Variants in TECPR1 observed in about 807,000 individuals in gnomAD.
The protein encoded by TECPR1 is tectonin beta-propeller repeat containing 1.
In TECPR1, 122 loss-of-function variants were observed where a neutral mutation model predicts 162.4. That is an observed-to-expected ratio of 0.75 (90% CI 0.65 to 0.87). The LOEUF (loss-of-function observed/expected upper bound fraction) is 0.87, where lower values mean the gene tolerates loss of function less well. Among genes scored for constraint, TECPR1 ranks in the 40% least tolerant of loss-of-function variants. The probability of loss-of-function intolerance (pLI) is 0.00; values close to 1 mark genes in which losing one functional copy is unlikely to be tolerated. For synonymous variants in TECPR1, 642 were observed against 670.6 expected (o/e 0.96, Z 0.66); for missense variants, 1,432 against 1,618.2 (o/e 0.88, Z 1.97).
At chr7:98,218,789 A>T (rs1357839066) in intron 23 of TECPR1, among the ~76,000 whole-genome samples, 3 of 152,220 alleles carry the variant, frequency 2.0e-5, no homozygotes, top group Admixed American at 6.5e-5. Context: ...GGAAGAATCA[A>T]TATCATGAAA....
chr7:98,215,167 C>T lies in TECPR1; in HGVS notation c.*2223G>A, dbSNP rs573263041. 2 of 152,282 alleles carry T rather than the reference C, an allele frequency of 1.3e-5. No homozygotes were observed. Among genetic ancestry groups the T allele is most frequent in the East Asian group, 3.9e-4 (2 of 5,182 alleles). The allele number at this position is 152,282 out of a possible 1,614,324, so 9.4% of individuals were successfully genotyped here. On this transcript the variant is annotated 3_prime_UTR_variant, in exon 26 of 26. Transcript: ENST00000447648. ...GTTCCTGGGCTACGCCACGCGCCAT[C>T]CCCCGGGGCTGTGGACGCACCCAGC...
At chr7:98,223,263 C>T in intron 20 of TECPR1, 93 bp from the exon 21 acceptor site, 1 of 1,330,992 alleles carries the variant, frequency 7.5e-7, no homozygotes. Flanking sequence ...AGGAAAGCAG[C>T]CAACCCCGGG....
Position 98,245,990 on chromosome 7 carries a change from G to C in TECPR1, c.157C>G (p.Gln53Glu). ...QCCWGIACDN[Q>E]VYVYVCASDV... ...CTGGCACACACATACACGTAGACCT[G>C]GTTGTCACAGGCAATGCCCCAGCAG... The change falls in exon 3 of 26, where the codon CAG becomes GAG. Residue 53 changes from glutamine to glutamate, a missense_variant. By Grantham distance (29) the Gln-to-Glu change is conservative. Coordinates refer to ENST00000447648, the MANE Select transcript of TECPR1 (RefSeq NM_015395.3). The C allele has an allele frequency of 1.2e-6, 2 of 1,606,184 alleles. No homozygotes were observed. The highest frequency in any genetic ancestry group is 2.2e-5 in the South Asian group (2 of 89,582).
chr7:98,240,473 G>T (rs186203283), intron 8 of TECPR1, among the ~76,000 whole-genome samples: 1 of 151,988 alleles, frequency 6.6e-6, no homozygotes, highest in Admixed American at 6.6e-5. Context: ...AGGCTGGAGT[G>T]CTATAGTGCA....
At chr7:98,225,583 A>G (rs924704482) in intron 17 of TECPR1, among the ~76,000 whole-genome samples, 2 of 151,474 alleles carry the variant, frequency 1.3e-5, no homozygotes, top group Admixed American at 1.3e-4. Context: ...TTGGACACAG[A>G]CACATGCATA....
Position 98,232,725 on chromosome 7 carries a change from A to C in TECPR1, c.1818+102T>G. On this transcript the variant is annotated intron_variant, in intron 12 of 25. Transcript: ENST00000447648. The surrounding 1 kb of genome is among the most constrained non-coding windows in gnomAD (Gnocchi z 4.6). ...ATCTGGGCGGGAGACCAGGGGATGG[A>C]GGCATCTATCTGTTTCTCTCAGAGC... The C allele has an allele frequency of 7.3e-7, 1 of 1,367,910 alleles. No individual in the cohort carries two copies. The allele number at this position is 1,367,910 out of a possible 1,614,324, so 84.7% of individuals were successfully genotyped here. A position where few individuals can be genotyped will look rare whatever the true frequency, so the allele number is the denominator to read the frequency against.
At chr7:98,228,985 A>T in intron 16 of TECPR1, 54 bp downstream of exon 16, 1 of 1,570,442 alleles carries the variant, frequency 6.4e-7, no homozygotes, top group Admixed American at 1.8e-5. Context: ...CCAGACGGGG[A>T]CTAGAGGAAA....
At chr7:98,224,529 G>A (rs1798226121) in intron 19 of TECPR1, among the ~76,000 whole-genome samples, 1 of 152,214 alleles carries the variant, frequency 6.6e-6, no homozygotes, top group African/African-American at 2.4e-5. Context: ...CAGCAGGGAT[G>A]AACGTGGCGT....
chr7:98,228,986 CTAGA>C, intron 16 of TECPR1, 49 bp downstream of exon 16: 1 of 1,572,242 alleles, frequency 6.4e-7, no homozygotes, highest in Non-Finnish European at 8.6e-7. Flanking sequence ...CAGACGGGGA[CTAGA>C]GGAAAGAACG....
At chr7:98,227,880 C>A (rs1343981946) in intron 17 of TECPR1, 134 bp downstream of exon 17, 1 of 641,226 alleles carries the variant, frequency 1.6e-6, no homozygotes, top group African/African-American at 1.8e-5. Context: ...CGGTAAGATC[C>A]GGTTAGTTTC....
In TECPR1 at chr7:98,224,881, C is replaced by G; in HGVS notation, c.2611-1G>C. 1 of 1,560,276 alleles carries G rather than the reference C, an allele frequency of 6.4e-7. No homozygotes were observed. Among genetic ancestry groups the G allele is most frequent in the Non-Finnish European group, 8.7e-7 (1 of 1,152,470 alleles). ...TGAAATCCACGAACCAGTCGGAAAC[C>G]TGGGAGGAGTGGGTCAGTGAGGATG... On this transcript the variant is annotated splice_acceptor_variant, in intron 18 of 25. Transcript: ENST00000447648. LOFTEE classifies it high-confidence loss of function.
intron 3 of TECPR1, among the ~76,000 whole-genome samples, chr7:98,245,288 C>A (rs1438088623): frequency 6.6e-6 from 1 of 152,218 alleles, no homozygotes; most frequent in Non-Finnish European, 1.5e-5. Flanking sequence ...CCCCAAAGGG[C>A]AAAGAACCTC....
intron 15 of TECPR1, among the ~76,000 whole-genome samples, chr7:98,229,727 C>G (rs1798371993): frequency 6.6e-6 from 1 of 152,196 alleles, no homozygotes; most frequent in African/African-American, 2.4e-5. Flanking sequence ...GAGGCCCTGT[C>G]ACTGTCACTG....
chr7:98,250,212 A>G (rs1799027066), intron 2 of TECPR1, among the ~76,000 whole-genome samples: 1 of 152,162 alleles, frequency 6.6e-6, no homozygotes. Context: ...GGGGATGCTG[A>G]CTGTATAATT....
At chr7:98,226,944 CA>C (rs1014626205) in intron 17 of TECPR1, among the ~76,000 whole-genome samples, 1 of 148,028 alleles carries the variant, frequency 6.8e-6, no homozygotes, top group Non-Finnish European at 1.5e-5. Flanking sequence ...AAAAACAAAA[CA>C]AAAAAAACAA....
chr7:98,244,583 G>A lies in TECPR1; in HGVS notation c.519C>T (p.Asp173=). The A allele has an allele frequency of 1.9e-6, 3 of 1,608,874 alleles. No homozygotes were observed. Among genetic ancestry groups the A allele is most frequent in the Non-Finnish European group, 1.7e-6 (2 of 1,176,656 alleles). The change falls in exon 5 of 26, where the codon GAC becomes GAT. Residue 173 remains aspartate, a synonymous_variant. Coordinates refer to ENST00000447648, the MANE Select transcript of TECPR1 (RefSeq NM_015395.3). ...WIRYRRYKSR[D]IWAKIPSKDD... is the part of the protein sequence containing the mutation. ...CAGGAACAGAGACCTTGGCCCAGAT[G>A]TCCCGGGACTTGTATCTCCTGTACC... is the stretch of plus-strand genomic sequence containing the variant.
chr7:98,233,727 C>G lies in TECPR1; in HGVS notation c.1366G>C (p.Asp456His), dbSNP rs1463229356. ...GCTGGGCAGGCATCTTCCACGGTAT[C>G]TTCTGCGGTCCTGCCAGCCCCCAGG... Reference protein sequence around the residue: ...SGLGAGRTAEDTVEDACPAEG... With the variant: ...SGLGAGRTAEHTVEDACPAEG... The change falls in exon 11 of 26, where the codon GAT becomes CAT. Residue 456 changes from aspartate (D) to histidine (H), a missense_variant. Coordinates refer to ENST00000447648, the MANE Select transcript of TECPR1 (RefSeq NM_015395.3). 2 of 1,612,470 alleles carry G rather than the reference C, an allele frequency of 1.2e-6. No individual in the cohort carries two copies. Among genetic ancestry groups the G allele is most frequent in the East Asian group, 2.2e-5 (1 of 44,880 alleles).
chr7:98,244,422 T>C, intron 5 of TECPR1, 149 bp downstream of exon 5: 1 of 1,015,282 alleles, frequency 9.8e-7, no homozygotes, highest in Non-Finnish European at 1.4e-6. Flanking sequence ...GTCGTGGTGT[T>C]CCCGGGACAG....
In TECPR1 at chr7:98,233,698, C is replaced by T. The variant is rs1798516382; in HGVS notation, c.1395G>A (p.Glu465=). The change falls in exon 11 of 26, where the codon GAG becomes GAA. Residue 465 remains glutamate (E), a synonymous_variant. Transcript: ENST00000447648. ...EDTVEDACPA[E]GSREARPNTH... ...TGTTGGGTCTGGCCTCCCTGCTGCC[C>T]TCGGCTGGGCAGGCATCTTCCACGG... is the stretch of plus-strand genomic sequence containing the variant. 2 of 1,610,746 alleles carry T rather than the reference C, an allele frequency of 1.2e-6. No homozygotes were observed. The highest frequency in any genetic ancestry group is 2.2e-5 in the East Asian group (1 of 44,834).
Sources: gnomAD v4.1 joint callset for allele counts (sites outside exome capture counted in the v4.1 genomes callset) on GRCh38, gnomAD v4.1.1 for gene constraint, Gnocchi (gnomAD v3.1) non-coding constraint, MANE v1.5 for transcripts, NCBI Gene and HGNC (gene_info 2026-07-23, HGNC 2026-07-21) for gene names.